The following SLC9A9 variants were observed in gnomAD, a reference collection of about 807,000 sequenced individuals.
SLC9A9 encodes sodium/hydrogen exchanger 9.
In SLC9A9, 62 loss-of-function variants were observed where a neutral mutation model predicts 77.8. That is an observed-to-expected ratio of 0.80 (90% CI 0.65 to 0.98). The LOEUF (loss-of-function observed/expected upper bound fraction) is 0.98, where lower values mean the gene tolerates loss of function less well. SLC9A9 is among the 50% of genes least tolerant of loss of function. The pLI, the probability that SLC9A9 is intolerant of heterozygous loss-of-function variation, is 0.00. For synonymous variants in SLC9A9, 320 were observed against 283.5 expected (o/e 1.13, Z -1.29); for missense variants, 775 against 774.9 (o/e 1.00, Z 0.00).
rs977239714 is a variant in SLC9A9, at chr3:143,534,798, T to C, written c.1089+17564A>G. Among the ~76,000 whole-genome samples the C allele has an allele frequency of 1.2e-4, 19 of 152,318 alleles. No homozygotes were observed. The East Asian group carries it at 3.5e-3, about 28-fold the overall frequency. On this transcript the variant is annotated intron_variant, in intron 9 of 15. Transcript: ENST00000316549. ...GCGGGATCAAAAAGATGTATTTGGATAAATACATTCAGTTTGGCTTGAGAT... is the reference window on the plus strand; with the variant it reads ...GCGGGATCAAAAAGATGTATTTGGACAAATACATTCAGTTTGGCTTGAGAT...
At chr3:143,447,551 C>T (rs373845708) in intron 12 of SLC9A9, among the ~76,000 whole-genome samples, 91 of 152,130 alleles carry the variant, frequency 6.0e-4, no homozygotes, top group African/African-American at 2.1e-3. Flanking sequence ...GTTAGTATTC[C>T]CTAATGGTGT....
intron 14 of SLC9A9, chr3:143,314,097 T>C (rs900025870): frequency 6.6e-6 from 1 of 152,252 alleles, no homozygotes; most frequent in African/African-American, 2.4e-5. Context: ...TTTAAGCCTC[T>C]GTCTCCCCCA....
At chr3:143,598,091 C>T (rs2037788704) in intron 6 of SLC9A9, among the ~76,000 whole-genome samples, 1 of 152,062 alleles carries the variant, frequency 6.6e-6, no homozygotes, top group African/African-American at 2.4e-5. Flanking sequence ...CTTTTGAACA[C>T]ATTCTCAACT....
intron 14 of SLC9A9, among the ~76,000 whole-genome samples, chr3:143,332,434 A>G (rs2031800556): frequency 6.6e-6 from 1 of 152,204 alleles, no homozygotes; most frequent in African/African-American, 2.4e-5. Flanking sequence ...TACTGATTTG[A>G]TTATTGGGAA....
chr3:143,273,659 C>CT (rs1374639166), intron 14 of SLC9A9, among the ~76,000 whole-genome samples: 1 of 152,186 alleles, frequency 6.6e-6, no homozygotes, highest in African/African-American at 2.4e-5. Context: ...AAAATCTTTA[C>CT]TTTTAGAACC....
At chr3:143,479,624 A>G (rs1415749401) in intron 11 of SLC9A9, among the ~76,000 whole-genome samples, 1 of 152,100 alleles carries the variant, frequency 6.6e-6, no homozygotes, top group Non-Finnish European at 1.5e-5. Flanking sequence ...TAAAATATCA[A>G]TGATTGTCCT....
chr3:143,347,186 A>C (rs1407209997), intron 14 of SLC9A9: 4 of 152,148 alleles, frequency 2.6e-5, no homozygotes, highest in Non-Finnish European at 5.9e-5. Context: ...TCTCAGAAGA[A>C]ACATCCTAGC....
intron 9 of SLC9A9, among the ~76,000 whole-genome samples, chr3:143,532,647 A>T (rs995362092): frequency 6.6e-6 from 1 of 152,226 alleles, no homozygotes; most frequent in East Asian, 1.9e-4. Flanking sequence ...GAACTTGCTC[A>T]GAGACCTCTG....
intron 9 of SLC9A9, among the ~76,000 whole-genome samples, chr3:143,544,043 G>A (rs1239644549): frequency 9.1e-6 from 1 of 110,264 alleles, no homozygotes; most frequent in Non-Finnish European, 2.0e-5. Context: ...ACTAGCATCT[G>A]CTTTTTTAAA....
At chr3:143,581,479 C>T (rs1321034045) in intron 6 of SLC9A9, among the ~76,000 whole-genome samples, 1 of 151,854 alleles carries the variant, frequency 6.6e-6, no homozygotes, top group African/African-American at 2.4e-5. Context: ...TCTCTCCTTC[C>T]TTCCTTCCTT....
At chr3:143,399,850 C>T (rs1032844942) in intron 12 of SLC9A9, among the ~76,000 whole-genome samples, 1 of 152,228 alleles carries the variant, frequency 6.6e-6, no homozygotes, top group Non-Finnish European at 1.5e-5. Flanking sequence ...CTCTCCTTCA[C>T]TCACTAACTC....
chr3:143,280,059 A>G (rs969763306), intron 14 of SLC9A9, among the ~76,000 whole-genome samples: 2 of 152,116 alleles, frequency 1.3e-5, no homozygotes, highest in Admixed American at 6.5e-5. Context: ...GTGCTCAAGC[A>G]ATTCTCCCGC....
At chr3:143,478,280 G>T (rs1227841235) in intron 11 of SLC9A9, among the ~76,000 whole-genome samples, 1 of 152,224 alleles carries the variant, frequency 6.6e-6, no homozygotes, top group African/African-American at 2.4e-5. Context: ...TCAAGAAAGT[G>T]CAGTGAAATG....
chr3:143,520,804 G>C (rs1353493976), intron 9 of SLC9A9, among the ~76,000 whole-genome samples: 1 of 152,000 alleles, frequency 6.6e-6, no homozygotes, highest in Non-Finnish European at 1.5e-5. Context: ...TAGTAGTTGT[G>C]GTTTAATTTG....
Position 143,432,268 on chromosome 3 carries a change from G to A in SLC9A9, c.1469+34769C>T, listed in dbSNP as rs571576132. On this transcript the variant is annotated intron_variant, in intron 12 of 15. Transcript: ENST00000316549. ...TTTGTATAAGATGACTACACACCGGGTAATTACTATGTTCTAAACTCTCTC... is the reference window on the plus strand; with the variant it reads ...TTTGTATAAGATGACTACACACCGGATAATTACTATGTTCTAAACTCTCTC... 3.9e-5 allele frequency among the ~76,000 whole-genome samples: 6 copies of A among 152,250 alleles called. No individual in the cohort carries two copies. In the South Asian group the frequency reaches 1.2e-3, roughly 32 times the overall value.
chr3:143,645,121 A>C (rs2108742098), intron 6 of SLC9A9, among the ~76,000 whole-genome samples: 1 of 152,294 alleles, frequency 6.6e-6, no homozygotes, highest in East Asian at 1.9e-4. Context: ...GGTTTTAATG[A>C]TTAGTATTAT....
chr3:143,818,437 G>A (rs2009077213), intron 2 of SLC9A9, among the ~76,000 whole-genome samples: 2 of 152,042 alleles, frequency 1.3e-5, no homozygotes, highest in Non-Finnish European at 2.9e-5. Context: ...CTCCTGAGTA[G>A]CTGGAATTAC....
At position 143,327,690 on chromosome 3, in the gene SLC9A9, C is replaced by T. The variant is rs78859543; in HGVS notation, c.1604+35794G>A. Among the ~76,000 whole-genome samples, 477 of 152,268 alleles carry T rather than the reference C, an allele frequency of 3.1e-3. 2 individuals carry two copies. Among genetic ancestry groups the T allele is most frequent in the African/African-American group, 0.011 (452 of 41,548 alleles). ...TACAGAAATATCTCCTAAGATTGTT[C>T]TTATTCTACATGCTTGGGGGTAATA... On this transcript the variant is annotated intron_variant, in intron 14 of 15. Coordinates refer to ENST00000316549, the MANE Select transcript of SLC9A9 (RefSeq NM_173653.4).
At chr3:143,400,771 A>G (rs546172015) in intron 12 of SLC9A9, among the ~76,000 whole-genome samples, 1 of 152,046 alleles carries the variant, frequency 6.6e-6, no homozygotes, top group South Asian at 2.1e-4. Flanking sequence ...TTCTGTGTCA[A>G]GCAACTTTTA....
Sources: allele counts gnomAD v4.1 joint callset (sites outside exome capture counted in the v4.1 genomes callset), GRCh38; gene constraint gnomAD v4.1.1; transcripts MANE v1.5; gene names NCBI Gene and HGNC (gene_info 2026-07-23, HGNC 2026-07-21).